CPEB3: variants seen among roughly 807,000 people sequenced by gnomAD.
CPEB3 encodes the protein cytoplasmic polyadenylation element-binding protein 3.
CPEB3 carries 20 observed loss-of-function variants against 67.2 expected under a neutral mutation model. The observed-to-expected ratio is 0.30, with a 90% CI of 0.21 to 0.43. CPEB3 has a LOEUF of 0.43. Ranked by LOEUF, CPEB3 falls within the 20% of genes least tolerant of loss-of-function variation. CPEB3 has a pLI of 1.00. For synonymous variants in CPEB3, 376 were observed against 393.1 expected (o/e 0.96, Z 0.51); for missense variants, 746 against 968.6 (o/e 0.77, Z 3.05).
intron 6 of CPEB3, among the ~76,000 whole-genome samples, chr10:92,141,834 C>T (rs1349452754): frequency 2.0e-5 from 3 of 150,716 alleles, no homozygotes; most frequent in Admixed American, 6.6e-5. Flanking sequence ...CTGGCTAACA[C>T]GGTGAAACCC....
intron 6 of CPEB3, chr10:92,119,044 T>C: frequency 1.3e-6 from 2 of 1,559,132 alleles, no homozygotes; most frequent in South Asian, 1.1e-5. Context: ...ATACCTGGAA[T>C]GGGGTCTGAC....
intron 4 of CPEB3, among the ~76,000 whole-genome samples, chr10:92,176,192 T>C (rs1454702903): frequency 6.6e-6 from 1 of 152,252 alleles, no homozygotes; most frequent in Non-Finnish European, 1.5e-5. Flanking sequence ...GATAAACTTA[T>C]ATTTTTGAAA....
intron 6 of CPEB3, among the ~76,000 whole-genome samples, chr10:92,120,757 G>C (rs1845328103): frequency 6.6e-6 from 1 of 152,016 alleles, no homozygotes; most frequent in Non-Finnish European, 1.5e-5. Context: ...TTGCAGTGCA[G>C]TGGCATGATC....
In CPEB3 at chr10:92,142,218, A is replaced by G. The variant is rs1477066684; in HGVS notation, c.1453+811T>C. 3.9e-5 allele frequency among the ~76,000 whole-genome samples: 6 copies of G among 152,200 alleles called. No individual in the cohort carries two copies. In the East Asian group the frequency reaches 1.2e-3, roughly 29 times the overall value. On this transcript the variant is annotated intron_variant, in intron 6 of 9. Transcript: ENST00000265997. Reference sequence around the variant, plus strand: ...ATAATTTGATTCATTTATGAGGCACAGGAAGGACAAGTATTTTCACTTCAT... The same window carrying G: ...ATAATTTGATTCATTTATGAGGCACGGGAAGGACAAGTATTTTCACTTCAT...
At chr10:92,137,485 C>A (rs1464064365) in intron 6 of CPEB3, 1 of 1,155,866 alleles carries the variant, frequency 8.7e-7, no homozygotes. Flanking sequence ...GGTGGTTTTG[C>A]TATCAGCCAC....
intron 6 of CPEB3, among the ~76,000 whole-genome samples, chr10:92,112,690 T>C (rs1198877764): frequency 2.0e-5 from 3 of 152,216 alleles, no homozygotes. Flanking sequence ...AGGCCCGTCA[T>C]GAACTAGTCT....
At chr10:92,261,797 C>T (rs949186468) in intron 1 of CPEB3, among the ~76,000 whole-genome samples, 4 of 152,134 alleles carry the variant, frequency 2.6e-5, no homozygotes, top group South Asian at 2.1e-4. Context: ...GGCAACAGCA[C>T]TTAGGATGAC....
At chr10:92,105,685 A>C (rs1157083229) in intron 7 of CPEB3, among the ~76,000 whole-genome samples, 4 of 145,372 alleles carry the variant, frequency 2.8e-5, no homozygotes, top group African/African-American at 1.0e-4. Context: ...GGTTCTATAG[A>C]TACTGTGTAT....
At chr10:92,130,117 G>T (rs1845777760) in intron 6 of CPEB3, among the ~76,000 whole-genome samples, 1 of 151,224 alleles carries the variant, frequency 6.6e-6, no homozygotes, top group Admixed American at 6.6e-5. Flanking sequence ...TTCATACTTA[G>T]TTCTCCCTGC....
At chr10:92,156,624 G>A (rs980354207) in intron 4 of CPEB3, among the ~76,000 whole-genome samples, 6 of 152,142 alleles carry the variant, frequency 3.9e-5, no homozygotes, top group African/African-American at 1.4e-4. Flanking sequence ...TTTCCTGACA[G>A]TGATCATTTT....
At chr10:92,141,283 A>G (rs1846403744) in intron 6 of CPEB3, among the ~76,000 whole-genome samples, 1 of 151,512 alleles carries the variant, frequency 6.6e-6, no homozygotes, top group African/African-American at 2.4e-5. Flanking sequence ...CATATACACC[A>G]TGGAATACTA....
intron 6 of CPEB3, among the ~76,000 whole-genome samples, chr10:92,120,098 C>CAAAAAAAAAAAAAAAAAAAAAAAAGAA (rs34785763): frequency 2.2e-5 from 1 of 45,284 alleles, no homozygotes; most frequent in Non-Finnish European, 3.7e-5. Context: ...ACTAAAAATA[C>CAAAAAAAAAAAAAAAAAAAAAAAAGAA]AAAAAAAAAA....
At chr10:92,220,494 C>T (rs184671608) in intron 2 of CPEB3, among the ~76,000 whole-genome samples, 2 of 151,192 alleles carry the variant, frequency 1.3e-5, no homozygotes, top group Non-Finnish European at 3.0e-5. Context: ...ACCCCACCCC[C>T]ATCCCACCCA....
At chr10:92,181,172 T>A (rs1488661573) in intron 3 of CPEB3, among the ~76,000 whole-genome samples, 153 bp from the exon 4 acceptor site, 1 of 151,374 alleles carries the variant, frequency 6.6e-6, no homozygotes, top group East Asian at 1.9e-4. Flanking sequence ...AAAAATTAAG[T>A]CATAAAACAT....
In CPEB3 at chr10:92,216,621, G is replaced by C. The variant is rs878878372; in HGVS notation, c.1005+22725C>G. On this transcript the variant is annotated intron_variant, in intron 2 of 9. Transcript: ENST00000265997. ...GAGGTATACTGCCATCTCCCAGTTA[G>C]GTGTGAGGACCGAAATCTGCCCTAT... 43 of 1,609,800 alleles carry C rather than the reference G, an allele frequency of 2.7e-5. No individual in the cohort carries two copies. The Admixed American group carries it at 6.0e-4, about 22-fold the overall frequency.
intron 4 of CPEB3, among the ~76,000 whole-genome samples, chr10:92,166,010 T>TA (rs1847721802): frequency 6.6e-6 from 1 of 152,232 alleles, no homozygotes; most frequent in Non-Finnish European, 1.5e-5. Flanking sequence ...AAATGGCATC[T>TA]AAAATAAAGA....
At chr10:92,244,995 T>C (rs773965218) in intron 1 of CPEB3, among the ~76,000 whole-genome samples, 3 of 152,202 alleles carry the variant, frequency 2.0e-5, no homozygotes, top group Non-Finnish European at 4.4e-5. Flanking sequence ...AATGTCATCA[T>C]TTAAAATTGT....
At chr10:92,100,665 C>T (rs1437191240) in intron 7 of CPEB3, among the ~76,000 whole-genome samples, 5 of 152,268 alleles carry the variant, frequency 3.3e-5, no homozygotes, top group African/African-American at 1.2e-4. Flanking sequence ...GATCTCGGCT[C>T]ACTGCAAGCT....
chr10:92,066,483 G>A (rs902111093), intron 9 of CPEB3, among the ~76,000 whole-genome samples: 2 of 152,192 alleles, frequency 1.3e-5, no homozygotes, highest in South Asian at 2.1e-4. Context: ...TGGCCTTAAT[G>A]TGAACCTGGG....
Sources: gnomAD v4.1 joint callset for allele counts (sites outside exome capture counted in the v4.1 genomes callset) on GRCh38, gnomAD v4.1.1 for gene constraint, MANE v1.5 for transcripts, NCBI Gene and HGNC (gene_info 2026-07-23, HGNC 2026-07-21) for gene names.